TCN2: variants seen among roughly 807,000 people sequenced by gnomAD.
TCN2 encodes the protein transcobalamin 2.
A neutral mutation model predicts 48.6 loss-of-function variants in TCN2; 34 were observed. The observed-to-expected ratio is 0.70, with a 90% CI of 0.53 to 0.93. The LOEUF is 0.93. Ranked by LOEUF, TCN2 falls within the 40% of genes least tolerant of loss-of-function variation. The pLI is 0.00. For missense variants in TCN2, 652 were observed against 526.1 expected, an observed-to-expected ratio of 1.24 and a Z score of -2.34; for synonymous variants, 283 against 212.5, an observed-to-expected ratio of 1.33 and a Z score of -2.89.
At chr22:30,617,930 TTTTGTTTG>T (rs568330628) in intron 7 of TCN2, among the ~76,000 whole-genome samples, 17 of 152,048 alleles carry the variant, frequency 1.1e-4, no homozygotes, top group Admixed American at 9.2e-4. Context: ...AAGAACTGTT[TTTTGTTTG>T]TTTGTTTGTT....
Position 30,615,603 on chromosome 22 carries a change from C to G in TCN2, c.756C>G (p.Phe252Leu), listed in dbSNP as rs142553702. ...TCTCTTCCTCACTCTATCACCAGTTCCTCATGACTTCCCCCATGCGTGGGG... is the reference window on the plus strand; with the variant it reads ...TCTCTTCCTCACTCTATCACCAGTTGCTCATGACTTCCCCCATGCGTGGGG... The part of the protein sequence containing the change: ...NVYSTPLALQ[F>L]LMTSPMRGAE... The change falls in exon 6 of 9, where the codon TTC (phenylalanine) becomes TTG (leucine). Residue 252 changes from phenylalanine to leucine, a missense_variant and splice_region_variant. Physicochemically the swap from Phe to Leu is conservative, Grantham distance 22. Coordinates refer to ENST00000215838, the MANE Select transcript of TCN2 (RefSeq NM_000355.4). 1.8e-5 allele frequency: 29 copies of G among 1,614,046 alleles called. No homozygotes were observed. The African/African-American group carries it at 3.2e-4, about 18-fold the overall frequency.
chr22:30,615,822 C>T, intron 6 of TCN2, 35 bp downstream of exon 6: 3 of 1,612,630 alleles, frequency 1.9e-6, no homozygotes, highest in East Asian at 2.2e-5. Flanking sequence ...CAGCCCTTTA[C>T]AATCTGCTGC....
intron 2 of TCN2, among the ~76,000 whole-genome samples, chr22:30,611,418 C>T (rs542851566): frequency 6.6e-6 from 1 of 152,330 alleles, no homozygotes; most frequent in South Asian, 2.1e-4. Context: ...CTACATTGAG[C>T]TTAGAAGCAG....
At chr22:30,615,994 A>G (rs911086755) in intron 6 of TCN2, among the ~76,000 whole-genome samples, 1 of 152,054 alleles carries the variant, frequency 6.6e-6, no homozygotes, top group Non-Finnish European at 1.5e-5. Flanking sequence ...CCCTGGGCAT[A>G]TCGCTTGTGT....
In TCN2 at chr22:30,615,656, C is replaced by T. The variant is rs201392026; in HGVS notation, c.809C>T (p.Ala270Val). ...GAACTGGGAACAGCATGTCTCAAGG[C>T]GAGGGTTGCTTTGCTGGCCAGTCTG... ...GAELGTACLK[A>V]RVALLASLQD... Residue 270 changes from alanine (A) to valine (V), a missense_variant, in exon 6 of 9, where the codon GCG becomes GTG. Transcript: ENST00000215838. 3.8e-4 allele frequency: 615 copies of T among 1,614,154 alleles called. No individual in the cohort carries two copies. The highest frequency in any genetic ancestry group is 1.3e-3 in the East Asian group (57 of 44,880).
At chr22:30,620,563 G>A (rs562034951) in intron 7 of TCN2, among the ~76,000 whole-genome samples, 8 of 152,230 alleles carry the variant, frequency 5.3e-5, no homozygotes, top group African/African-American at 1.2e-4. Context: ...GGGCACCAGC[G>A]CAGTCACTGA....
intron 1 of TCN2, 94 bp from the exon 2 acceptor site, chr22:30,610,777 A>G (rs920962223): frequency 2.2e-6 from 3 of 1,342,386 alleles, no homozygotes; most frequent in Non-Finnish European, 3.2e-6. Flanking sequence ...GGGTGAGGAC[A>G]TGTATTCTCT....
chr22:30,615,522 G>A (rs753368138), intron 5 of TCN2, 49 bp downstream of exon 5: 2 of 1,613,976 alleles, frequency 1.2e-6, no homozygotes, highest in South Asian at 1.1e-5. Context: ...ACAGTCAGGG[G>A]TGGAGTGGTC....
intron 1 of TCN2, among the ~76,000 whole-genome samples, chr22:30,608,917 C>A (rs910346275): frequency 8.5e-5 from 13 of 152,142 alleles, no homozygotes; most frequent in Admixed American, 1.3e-4. Flanking sequence ...GAATCTTGAA[C>A]TGGGGTTTGG....
In TCN2 at chr22:30,617,443, G is replaced by A. The variant is rs754840231; in HGVS notation, c.1054G>A (p.Gly352Arg). Residue 352 changes from glycine to arginine, a missense_variant, in exon 7 of 9, where the codon GGG becomes AGG. Transcript: ENST00000215838. ...PYRQSISVLAGSTVEDVLKKA... is the reference protein window; with the variant it reads ...PYRQSISVLARSTVEDVLKKA... ...CAGACAGTCCATCTCTGTTCTGGCC[G>A]GGTCCACCGTGGAAGATGTCCTGAA... 34 of 1,613,960 alleles carry A rather than the reference G, an allele frequency of 2.1e-5. 1 individual carries two copies. The South Asian group carries it at 3.2e-4, about 15-fold the overall frequency.
rs1383712655 is a variant in TCN2 at position 30,614,208 on chromosome 22, T to C, written c.428-141T>C. ...ACACACAGTGAGACCTCAGCACGTATGGGCTGAGGCAATGAAGGAATGAAG... is the reference window on the plus strand; with the variant it reads ...ACACACAGTGAGACCTCAGCACGTACGGGCTGAGGCAATGAAGGAATGAAG... On this transcript the variant is annotated intron_variant, in intron 3 of 8. Coordinates refer to ENST00000215838, the MANE Select transcript of TCN2 (RefSeq NM_000355.4). 8.1e-6 allele frequency: 9 copies of C among 1,116,312 alleles called. 1 individual carries two copies. The African/African-American group carries it at 9.3e-5, about 11-fold the overall frequency. The allele number at this position is 1,116,312 out of a possible 1,614,324, so 69.2% of individuals were successfully genotyped here. A position where few individuals can be genotyped will look rare whatever the true frequency, so the allele number is the denominator to read the frequency against.
intron 7 of TCN2, among the ~76,000 whole-genome samples, chr22:30,622,243 T>C (rs2087709785): frequency 1.3e-5 from 2 of 152,018 alleles, no homozygotes; most frequent in Admixed American, 1.3e-4. Flanking sequence ...TGCCTTGGCC[T>C]CCCAAAGTAC....
At chr22:30,625,095 G>A (rs2087785281) in intron 8 of TCN2, among the ~76,000 whole-genome samples, 1 of 152,152 alleles carries the variant, frequency 6.6e-6, no homozygotes, top group African/African-American at 2.4e-5. Flanking sequence ...GCGGGCACCT[G>A]TAATCCCAGC....
rs767328402 is a variant in TCN2 at position 30,615,491 on chromosome 22, GA to G, written c.753+19del. 92 of 1,613,378 alleles carry G rather than the reference GA, an allele frequency of 5.7e-5. No individual in the cohort carries two copies. In the East Asian group the frequency reaches 2.0e-3, roughly 36 times the overall value. On this transcript the variant is annotated intron_variant, in intron 5 of 8. Coordinates refer to ENST00000215838, the MANE Select transcript of TCN2 (RefSeq NM_000355.4). ...CATTACAGGTGGGAAAGAGACCCTG[GA>G]GCCATGGCCACCCTGGGGAACAGTC...
Position 30,612,976 on chromosome 22 carries a change from G to A in TCN2, c.361G>A (p.Gly121Ser). The change falls in exon 3 of 9, where the codon GGC becomes AGC. Residue 121 changes from glycine (G) to serine (S), a missense_variant. By Grantham distance (56) the Gly-to-Ser change is moderately conservative. Transcript: ENST00000215838. ...ALRANCEFVR[G>S]HKGDRLVSQL... ...CAGAGCCAACTGTGAGTTTGTCAGG[G>A]GCCACAAGGGGGACAGGCTGGTCTC... is the stretch of plus-strand genomic sequence containing the variant. The A allele has an allele frequency of 6.2e-7, 1 of 1,614,192 alleles. No individual in the cohort carries two copies. Among genetic ancestry groups the A allele is most frequent in the Non-Finnish European group, 8.5e-7 (1 of 1,180,046 alleles).
At chr22:30,623,407 C>CA (rs1383534800) in intron 8 of TCN2, 1 of 281,410 alleles carries the variant, frequency 3.6e-6, no homozygotes, top group Non-Finnish European at 6.9e-6. Context: ...GGCTGGAGTG[C>CA]AGCGGTATGA....
At chr22:30,615,227 T>C (rs2087594211) in intron 4 of TCN2, 74 bp from the exon 5 acceptor site, 4 of 1,542,394 alleles carry the variant, frequency 2.6e-6, no homozygotes, top group Non-Finnish European at 2.7e-6. Context: ...TACAAGGGCC[T>C]GACCCTCAAG....
At chr22:30,623,131 C>G (rs750953216) in intron 8 of TCN2, 48 bp downstream of exon 8, 3 of 1,600,792 alleles carry the variant, frequency 1.9e-6, no homozygotes. Flanking sequence ...CCCAAGCTTA[C>G]TCAGCCAAGA....
Position 30,610,987 on chromosome 22 carries a change from T to A in TCN2, c.181T>A (p.Ser61Thr). 1 of 1,614,192 alleles carries A rather than the reference T, an allele frequency of 6.2e-7. No homozygotes were observed. The highest frequency in any genetic ancestry group is 8.5e-7 in the Non-Finnish European group (1 of 1,180,032). The change falls in exon 2 of 9, where the codon TCC becomes ACC. Residue 61 changes from serine to threonine, a missense_variant. Coordinates refer to ENST00000215838, the MANE Select transcript of TCN2 (RefSeq NM_000355.4). ...CAGCATCTATGTGGGCCTACGCCTC[T>A]CCAGTCTGCAGGCTGGGACCAAGGA... ...NPSIYVGLRLSSLQAGTKEDL... is the reference protein window; with the variant it reads ...NPSIYVGLRLTSLQAGTKEDL...
Sources: allele counts gnomAD v4.1 joint callset (sites outside exome capture counted in the v4.1 genomes callset), GRCh38; gene constraint gnomAD v4.1.1; transcripts MANE v1.5; gene names NCBI Gene and HGNC (gene_info 2026-07-23, HGNC 2026-07-21).